NCL: variants seen among roughly 807,000 people sequenced by gnomAD.
NCL encodes the protein nucleolin multifunctional protein.
NCL carries 4 observed loss-of-function variants against 77.7 expected under a neutral mutation model. That is an observed-to-expected ratio of 0.05 (90% CI 0.03 to 0.12). The LOEUF (loss-of-function observed/expected upper bound fraction) is 0.12, where lower values mean the gene tolerates loss of function less well. Ranked by LOEUF, NCL falls within the 10% of genes least tolerant of loss-of-function variation. The probability of loss-of-function intolerance (pLI) is 1.00; values close to 1 mark genes in which losing one functional copy is unlikely to be tolerated. For missense variants in NCL, 763 were observed against 860.9 expected (o/e 0.89, Z 1.42); for synonymous variants, 344 against 297.8 (o/e 1.16, Z -1.60).
intron 3 of NCL, among the ~76,000 whole-genome samples, chr2:231,461,327 T>C (rs193216393): frequency 2.6e-5 from 4 of 151,810 alleles, no homozygotes; most frequent in African/African-American, 7.2e-5. Flanking sequence ...TCCTACATTA[T>C]AAAAAACACT....
chr2:231,460,695 TCATCA>T lies in NCL; in HGVS notation c.780_784del (p.Asp260GlufsTer31), dbSNP rs748151372. On this transcript the variant is annotated frameshift_variant, in exon 4 of 14. Coordinates refer to ENST00000322723, the MANE Select transcript of NCL (RefSeq NM_005381.3). LOFTEE classifies it high-confidence loss of function. ...TTCCTCCTCCTCTTCTTCCTCCTCC[TCATCA>T]TCTTCATCATCATCATCTTCATCAT... 13 of 1,587,228 alleles carry T rather than the reference TCATCA, an allele frequency of 8.2e-6. No homozygotes were observed. In the East Asian group the frequency reaches 2.9e-4, roughly 36 times the overall value.
At chr2:231,460,426 T>C (rs763055918) in intron 5 of NCL, 52 bp downstream of exon 5, 8 of 1,589,980 alleles carry the variant, frequency 5.0e-6, no homozygotes, top group Non-Finnish European at 6.0e-6. Context: ...CCCTTTGTTA[T>C]TCATCATTTG....
chr2:231,463,168 AC>A, intron 2 of NCL, 31 bp downstream of exon 2: 1 of 1,466,560 alleles, frequency 6.8e-7, no homozygotes, highest in Non-Finnish European at 9.4e-7. Context: ...TGTAGTTTTA[AC>A]ATAATTCTGC....
At chr2:231,456,480 G>T in intron 11 of NCL, 151 bp downstream of exon 11, 1 of 1,330,810 alleles carries the variant, frequency 7.5e-7, no homozygotes. Context: ...GAATTTTCTT[G>T]AGATTTCATC....
At chr2:231,459,165 AAC>A in intron 6 of NCL, 40 bp from the exon 7 acceptor site, 1 of 1,504,334 alleles carries the variant, frequency 6.6e-7, no homozygotes, top group Non-Finnish European at 8.9e-7. Context: ...AACAGGTGAA[AAC>A]ACAAATCAAA....
chr2:231,457,611 T>C, intron 9 of NCL, 32 bp downstream of exon 9: 1 of 1,557,646 alleles, frequency 6.4e-7, no homozygotes, highest in Non-Finnish European at 8.7e-7. Flanking sequence ...CTCCACCAAT[T>C]CTGAAACCTT....
intron 9 of NCL, 129 bp downstream of exon 9, chr2:231,457,514 C>T: frequency 2.1e-6 from 2 of 946,264 alleles, no homozygotes; most frequent in Non-Finnish European, 3.2e-6. Flanking sequence ...CTTGGGGTAT[C>T]ATGTCCTTGA....
At chr2:231,457,246 G>T in intron 9 of NCL, 122 bp from the exon 10 acceptor site, 1 of 1,322,796 alleles carries the variant, frequency 7.6e-7, no homozygotes, top group Non-Finnish European at 1.1e-6. Flanking sequence ...TACTCATGAC[G>T]TAAGCTAAAT....
chr2:231,463,097 T>C, intron 2 of NCL, 103 bp downstream of exon 2: 5 of 824,672 alleles, frequency 6.1e-6, no homozygotes, highest in Admixed American at 2.4e-5. Flanking sequence ...CAATAAGACA[T>C]ACCTGAATAA....
chr2:231,458,562 GTCCC>G, intron 7 of NCL, 173 bp from the exon 8 acceptor site: 1 of 795,676 alleles, frequency 1.3e-6, no homozygotes, highest in Non-Finnish European at 1.9e-6. Flanking sequence ...CACACAAGTG[GTCCC>G]TCCATGTTGT....
intron 11 of NCL, chr2:231,456,385 G>A (rs1461099572): frequency 2.2e-6 from 2 of 905,382 alleles, no homozygotes; most frequent in East Asian, 2.4e-5. Flanking sequence ...CCAAGCAGGT[G>A]GGGCCCAGTG....
rs919332596 is a variant in NCL, at chr2:231,463,124, C to T, written c.135+76G>A. ...CCTGAATAAAATCTTATTTTTGCCA[C>T]AGATATCCAATTTCATGTCTTAACT... is the stretch of plus-strand genomic sequence containing the variant. On this transcript the variant is annotated intron_variant, in intron 2 of 13. Transcript: ENST00000322723. 5.4e-6 allele frequency: 6 copies of T among 1,106,808 alleles called. No individual in the cohort carries two copies. In the African/African-American group the frequency reaches 9.5e-5, roughly 18 times the overall value. The allele number at this position is 1,106,808 out of a possible 1,614,324, so 68.6% of individuals were successfully genotyped here.
intron 8 of NCL, 82 bp downstream of exon 8, chr2:231,458,184 A>T: frequency 1.9e-6 from 3 of 1,547,216 alleles, no homozygotes; most frequent in Non-Finnish European, 1.7e-6. Flanking sequence ...CGCCTAAGGA[A>T]ATCAAACCAA....
Position 231,455,939 on chromosome 2 carries a change from A to G in NCL, c.1832+71T>C, listed in dbSNP as rs372020177. On this transcript the variant is annotated intron_variant, in intron 12 of 13. Coordinates refer to ENST00000322723, the MANE Select transcript of NCL (RefSeq NM_005381.3). ...AGAAAGGAGCTCAATGAGAAGACAC[A>G]TTAGACTCAAGGTCTGCACAGAACA... 19 of 1,610,584 alleles carry G rather than the reference A, an allele frequency of 1.2e-5. No homozygotes were observed. The African/African-American group carries it at 2.1e-4, about 18-fold the overall frequency.
rs2046919988 is a variant in NCL, at chr2:231,458,930, G to A, written c.1165+71C>T. On this transcript the variant is annotated intron_variant, in intron 7 of 13. Transcript: ENST00000322723. ...AAAATAAGAGGAAACCAAGGGAAATGGGTTACAAAGCATTTTCCCTAGCAG... is the reference window on the plus strand; with the variant it reads ...AAAATAAGAGGAAACCAAGGGAAATAGGTTACAAAGCATTTTCCCTAGCAG... 3.6e-6 allele frequency: 5 copies of A among 1,382,928 alleles called. No homozygotes were observed. In the Admixed American group the frequency reaches 1.4e-4, roughly 39 times the overall value. The allele number at this position is 1,382,928 out of a possible 1,614,324, so 85.7% of individuals were successfully genotyped here. A position where few individuals can be genotyped will look rare whatever the true frequency, so the allele number is the denominator to read the frequency against.
chr2:231,456,799 C>T (rs750629264), intron 10 of NCL, 35 bp from the exon 11 acceptor site: 1 of 1,611,558 alleles, frequency 6.2e-7, no homozygotes, highest in South Asian at 1.1e-5. Context: ...GAGTAAGTTA[C>T]CAGGCACATG....
intron 2 of NCL, 69 bp downstream of exon 2, chr2:231,463,131 C>G: frequency 5.1e-6 from 6 of 1,174,934 alleles, no homozygotes; most frequent in Non-Finnish European, 7.4e-6. Context: ...CCACAGATAT[C>G]CAATTTCATG....
intron 2 of NCL, 77 bp from the exon 3 acceptor site, chr2:231,462,094 T>TA (rs775159082): frequency 8.4e-6 from 13 of 1,542,118 alleles, no homozygotes; most frequent in South Asian, 1.1e-5. Flanking sequence ...AATGAGATGT[T>TA]AGACTCTGGC....
chr2:231,463,120 G>A, intron 2 of NCL, 80 bp downstream of exon 2: 1 of 1,038,274 alleles, frequency 9.6e-7, no homozygotes, highest in Non-Finnish European at 1.4e-6. Flanking sequence ...TCTTATTTTT[G>A]CCACAGATAT....
Sources: gnomAD v4.1 joint callset for allele counts (sites outside exome capture counted in the v4.1 genomes callset) on GRCh38, gnomAD v4.1.1 for gene constraint, MANE v1.5 for transcripts, NCBI Gene and HGNC (gene_info 2026-07-23, HGNC 2026-07-21) for gene names.